MCCC2: variants seen among roughly 807,000 people sequenced by gnomAD.
The protein encoded by MCCC2 is methylcrotonoyl-CoA carboxylase beta chain, mitochondrial.
MCCC2 carries 52 observed loss-of-function variants against 77.2 expected under a neutral mutation model. That is an observed-to-expected ratio of 0.67 (90% confidence interval 0.54 to 0.85). The LOEUF (loss-of-function observed/expected upper bound fraction) is 0.85, where lower values mean the gene tolerates loss of function less well. Among genes scored for constraint, MCCC2 ranks in the 40% least tolerant of loss-of-function variants. MCCC2 has a pLI of 0.00. For missense variants in MCCC2, 682 were observed against 703.2 expected (o/e 0.97, Z 0.34); for synonymous variants, 253 against 248.4 (o/e 1.02, Z -0.18).
intron 1 of MCCC2, among the ~76,000 whole-genome samples, chr5:71,591,007 A>G (rs977369107): frequency 3.3e-5 from 5 of 152,186 alleles, no homozygotes; most frequent in African/African-American, 1.2e-4. Context: ...TTCTTTCCCT[A>G]ATACCATGCT....
chr5:71,617,183 C>T lies in MCCC2; in HGVS notation c.625-9457C>T, dbSNP rs554634225. Among the ~76,000 whole-genome samples, 8 of 152,280 alleles carry T rather than the reference C, an allele frequency of 5.3e-5. No homozygotes were observed. The South Asian group carries it at 1.7e-3, about 32-fold the overall frequency. On this transcript the variant is annotated intron_variant, in intron 6 of 16. Coordinates refer to ENST00000340941, the MANE Select transcript of MCCC2 (RefSeq NM_022132.5). ...CACTGGTCTCCATATATACCATAGCCTTTTTTGACCATCTGCTCAGGCCCA... is the reference window on the plus strand; with the variant it reads ...CACTGGTCTCCATATATACCATAGCTTTTTTTGACCATCTGCTCAGGCCCA...
At chr5:71,633,091 T>TATATA (rs1746777354) in intron 8 of MCCC2, among the ~76,000 whole-genome samples, 4 of 84,246 alleles carry the variant, frequency 4.7e-5, no homozygotes, top group African/African-American at 2.0e-4. Context: ...TTTTTCAGTT[T>TATATA]TATATATATA....
intron 6 of MCCC2, among the ~76,000 whole-genome samples, chr5:71,619,955 C>A (rs2112391471): frequency 6.6e-6 from 1 of 151,562 alleles, no homozygotes; most frequent in South Asian, 2.1e-4. Context: ...CACGCCACTG[C>A]ACTCCAGCCT....
At chr5:71,611,361 C>T (rs1440167307) in intron 6 of MCCC2, among the ~76,000 whole-genome samples, 1 of 152,100 alleles carries the variant, frequency 6.6e-6, no homozygotes, top group Non-Finnish European at 1.5e-5. Context: ...GTGGTTGCAC[C>T]ACTGCACTCC....
chr5:71,620,213 T>G (rs143950516), intron 6 of MCCC2, among the ~76,000 whole-genome samples: 1 of 152,330 alleles, frequency 6.6e-6, no homozygotes, highest in African/African-American at 2.4e-5. Flanking sequence ...TCAGTCAGTA[T>G]AGTTGATAAC....
intron 10 of MCCC2, among the ~76,000 whole-genome samples, chr5:71,640,367 G>A (rs1747087896): frequency 7.2e-6 from 1 of 139,734 alleles, no homozygotes; most frequent in South Asian, 2.3e-4. Flanking sequence ...GAAAGGAATA[G>A]TTAGCACTTT....
chr5:71,652,123 GAATT>G (rs1401246949), intron 15 of MCCC2, among the ~76,000 whole-genome samples: 2 of 152,260 alleles, frequency 1.3e-5, no homozygotes, highest in African/African-American at 2.4e-5. Flanking sequence ...TTTTACATCT[GAATT>G]AATTATCACT....
intron 6 of MCCC2, among the ~76,000 whole-genome samples, chr5:71,625,099 C>G (rs1746495514): frequency 1.3e-5 from 2 of 152,170 alleles, no homozygotes; most frequent in Admixed American, 1.3e-4. Flanking sequence ...CTTTCTCCTC[C>G]TTTTGCTCTC....
chr5:71,591,434 G>GTTTTTTTTT (rs67936266), intron 1 of MCCC2, among the ~76,000 whole-genome samples: 1 of 95,236 alleles, frequency 1.1e-5, no homozygotes. Flanking sequence ...GTTTTGTTCT[G>GTTTTTTTTT]TTTTTTTTTT....
In MCCC2 at chr5:71,592,950, C is replaced by T; in HGVS notation, c.154C>T (p.Leu52=). 6.2e-7 allele frequency: 1 copy of T among 1,613,166 alleles called. No individual in the cohort carries two copies. The highest frequency in any genetic ancestry group is 1.1e-5 in the South Asian group (1 of 91,056). ...GGAGAACTACAAGCAGATGAAAGCA[C>T]TAGTAAATCAGCTCCATGAACGAGT... ...YQENYKQMKA[L]VNQLHERVEH... is the part of the protein sequence containing the mutation. The change falls in exon 2 of 17, where the codon CTA becomes TTA. Residue 52 remains leucine, a synonymous_variant. Transcript: ENST00000340941.
At chr5:71,598,934 T>A (rs1164532643) in intron 3 of MCCC2, among the ~76,000 whole-genome samples, 1 of 151,940 alleles carries the variant, frequency 6.6e-6, no homozygotes, top group Non-Finnish European at 1.5e-5. Context: ...AAATTTTTTT[T>A]TTTTTGTAAA....
intron 5 of MCCC2, 95 bp from the exon 6 acceptor site, chr5:71,604,261 T>G (rs889200224): frequency 2.1e-5 from 23 of 1,079,476 alleles, no homozygotes; most frequent in Admixed American, 3.5e-5. Flanking sequence ...TTTGTGAATG[T>G]GATTAAGAAC....
chr5:71,622,264 C>T (rs184651912), intron 6 of MCCC2, among the ~76,000 whole-genome samples: 2 of 136,318 alleles, frequency 1.5e-5, no homozygotes, highest in African/African-American at 2.7e-5. Flanking sequence ...AAAACGCCAT[C>T]TCTACTAAAA....
Position 71,652,673 on chromosome 5 carries a change from C to T in MCCC2, c.1493C>T (p.Ser498Phe), listed in dbSNP as rs757286719. 46 of 1,613,922 alleles carry T rather than the reference C, an allele frequency of 2.9e-5. No homozygotes were observed. The highest frequency in any genetic ancestry group is 1.2e-4 in the Admixed American group (7 of 59,994). ...TCATGGCCTCTTTTCCTTTAGTTCT[C>T]CAGTGCTGATGAAGCGGCTTTAAAA... is the stretch of plus-strand genomic sequence containing the variant. The part of the protein sequence containing the change: ...DQRAREGKQF[S>F]SADEAALKEP... Residue 498 changes from serine to phenylalanine, a missense_variant, in exon 16 of 17, where the codon TCC becomes TTC. Transcript: ENST00000340941.
intron 6 of MCCC2, among the ~76,000 whole-genome samples, chr5:71,611,737 G>A (rs570475430): frequency 1.3e-5 from 2 of 152,094 alleles, no homozygotes; most frequent in African/African-American, 4.8e-5. Context: ...CAGGGATGAG[G>A]TAGGAGGTAG....
chr5:71,626,540 TC>T (rs1746531789), intron 6 of MCCC2, 99 bp from the exon 7 acceptor site: 6 of 873,306 alleles, frequency 6.9e-6, no homozygotes, highest in Non-Finnish European at 1.1e-5. Context: ...ACCAGTAATA[TC>T]CCCTGGTCAC....
At chr5:71,630,657 G>A (rs1746677755) in intron 7 of MCCC2, among the ~76,000 whole-genome samples, 1 of 152,064 alleles carries the variant, frequency 6.6e-6, no homozygotes, top group African/African-American at 2.4e-5. Flanking sequence ...TTCTGGGGGT[G>A]GAATAATTGG....
intron 1 of MCCC2, 116 bp from the exon 2 acceptor site, chr5:71,592,810 C>T (rs1165449537): frequency 1.9e-5 from 16 of 821,448 alleles, no homozygotes; most frequent in Middle Eastern, 3.1e-4. Flanking sequence ...CCCAGTGTGG[C>T]GGCCACACAG....
intron 6 of MCCC2, among the ~76,000 whole-genome samples, chr5:71,613,883 AG>A (rs1439679201): frequency 6.6e-6 from 1 of 151,900 alleles, no homozygotes; most frequent in Non-Finnish European, 1.5e-5. Flanking sequence ...ATATTCAGGA[AG>A]GGGTCAGAAA....
Sources: gnomAD v4.1 joint callset for allele counts (sites outside exome capture counted in the v4.1 genomes callset) on GRCh38, gnomAD v4.1.1 for gene constraint, MANE v1.5 for transcripts, NCBI Gene and HGNC (gene_info 2026-07-23, HGNC 2026-07-21) for gene names.